FAM114A1: variants seen among roughly 807,000 people sequenced by gnomAD.
FAM114A1 encodes protein NOXP20.
In FAM114A1, 62 loss-of-function variants were observed where a neutral mutation model predicts 64.3. That is an observed-to-expected ratio of 0.96 (90% confidence interval 0.79 to 1.19). The LOEUF (loss-of-function observed/expected upper bound fraction) is 1.19. Ranked by LOEUF, FAM114A1 falls within the 50% of genes most tolerant of loss-of-function variation. FAM114A1 has a pLI of 0.00. For missense variants in FAM114A1, 645 were observed against 676.3 expected, an observed-to-expected ratio of 0.95 and a Z score of 0.51; for synonymous variants, 254 against 251.1, an observed-to-expected ratio of 1.01 and a Z score of -0.11.
intron 4 of FAM114A1, among the ~76,000 whole-genome samples, chr4:38,898,902 T>G (rs2109642343): frequency 1.3e-5 from 2 of 149,000 alleles, no homozygotes; most frequent in South Asian, 4.2e-4. Context: ...CAGTACTTTA[T>G]ATATATGAGT....
intron 9 of FAM114A1, among the ~76,000 whole-genome samples, chr4:38,928,671 A>T (rs1720360362): frequency 6.6e-6 from 1 of 152,222 alleles, no homozygotes; most frequent in South Asian, 2.1e-4. Context: ...AAAGGAAGAC[A>T]GATCATTAAG....
intron 3 of FAM114A1, among the ~76,000 whole-genome samples, chr4:38,881,883 A>G (rs2109562899): frequency 1.3e-5 from 2 of 152,342 alleles, no homozygotes; most frequent in Middle Eastern, 3.4e-3. Context: ...AAAGTTCATT[A>G]CAAGGTGGTT....
At chr4:38,933,115 G>A (rs985735949) in intron 12 of FAM114A1, among the ~76,000 whole-genome samples, 2 of 152,150 alleles carry the variant, frequency 1.3e-5, no homozygotes, top group African/African-American at 2.4e-5. Flanking sequence ...GCCTCCCAAA[G>A]TGCTGGGATT....
At position 38,914,942 on chromosome 4, in the gene FAM114A1, AAGG is replaced by A. The variant is rs779867184; in HGVS notation, c.817_819del (p.Glu273del). The A allele has an allele frequency of 2.6e-4, 426 of 1,613,914 alleles. No homozygotes were observed. The highest frequency in any genetic ancestry group is 3.4e-4 in the Non-Finnish European group (397 of 1,179,966). ...GCAGATGTTAAGGGAAGCTAAGGAG[AAGG>A]AGAAGCAGAGACTGGCACAGCAGCT... is the stretch of plus-strand genomic sequence containing the variant. On this transcript the variant is annotated inframe_deletion, in exon 8 of 15. Transcript: ENST00000358869.
chr4:38,933,271 G>T (rs951395464), intron 12 of FAM114A1, among the ~76,000 whole-genome samples: 1 of 152,210 alleles, frequency 6.6e-6, no homozygotes, highest in Non-Finnish European at 1.5e-5. Context: ...TGCATGAGGC[G>T]TGAAAGTACT....
intron 4 of FAM114A1, among the ~76,000 whole-genome samples, chr4:38,898,982 A>G: frequency 9.3e-6 from 1 of 107,460 alleles, no homozygotes; most frequent in East Asian, 4.3e-4. Context: ...TATGTTATAT[A>G]TGTAATATAT....
intron 8 of FAM114A1, 48 bp downstream of exon 8, chr4:38,915,121 C>T: frequency 6.3e-7 from 1 of 1,583,040 alleles, no homozygotes; most frequent in Non-Finnish European, 8.6e-7. Flanking sequence ...TCATGTGTTG[C>T]TTAAACATGA....
Position 38,905,971 on chromosome 4 carries a change from G to A in FAM114A1, c.657+110G>A, listed in dbSNP as rs529054447. 5.8e-4 allele frequency: 533 copies of A among 919,308 alleles called. 2 individuals are homozygous for A. The highest frequency in any genetic ancestry group is 7.9e-4 in the Non-Finnish European group (504 of 638,860). 56.9% of individuals were successfully genotyped at this position (919,308 alleles called of 1,614,324 possible). On this transcript the variant is annotated intron_variant, in intron 6 of 14. Coordinates refer to ENST00000358869, the MANE Select transcript of FAM114A1 (RefSeq NM_138389.4). Reference sequence around the variant, plus strand: ...ATCAGAGAAACGATGGCCTTGCTCAGAACTTTGGATTATGGTTTTTTTTTT... The same window carrying A: ...ATCAGAGAAACGATGGCCTTGCTCAAAACTTTGGATTATGGTTTTTTTTTT...
At chr4:38,908,837 C>A in intron 7 of FAM114A1, 111 bp downstream of exon 7, 2 of 1,122,492 alleles carry the variant, frequency 1.8e-6, no homozygotes, top group Non-Finnish European at 2.4e-6. Flanking sequence ...TCAAATGACA[C>A]CAAAGAGCAG....
intron 7 of FAM114A1, among the ~76,000 whole-genome samples, chr4:38,913,404 G>GT (rs1241505311): frequency 1.3e-5 from 2 of 152,000 alleles, no homozygotes; most frequent in African/African-American, 2.4e-5. Flanking sequence ...GTTCTTTTTT[G>GT]TTTTTTTGTT....
At chr4:38,876,746 G>A (rs1292189393) in intron 2 of FAM114A1, among the ~76,000 whole-genome samples, 3 of 152,338 alleles carry the variant, frequency 2.0e-5, no homozygotes, top group East Asian at 3.9e-4. Context: ...ATGGGCTAAA[G>A]TCAAGTTGCT....
At chr4:38,914,005 C>A (rs1718803439) in intron 7 of FAM114A1, among the ~76,000 whole-genome samples, 1 of 151,984 alleles carries the variant, frequency 6.6e-6, no homozygotes, top group Admixed American at 6.6e-5. Context: ...GAGGCTGAGG[C>A]AGGAGAATCA....
intron 10 of FAM114A1, 148 bp from the exon 11 acceptor site, chr4:38,931,303 G>A (rs1181112953): frequency 2.5e-6 from 2 of 803,288 alleles, no homozygotes; most frequent in Non-Finnish European, 3.7e-6. Flanking sequence ...ATCTTTTTCG[G>A]GGGTTGAAAA....
At chr4:38,929,646 G>A (rs917039689) in intron 10 of FAM114A1, among the ~76,000 whole-genome samples, 2 of 152,152 alleles carry the variant, frequency 1.3e-5, no homozygotes, top group East Asian at 1.9e-4. Context: ...GTGCGGTGGC[G>A]CATGCCTGTA....
intron 2 of FAM114A1, among the ~76,000 whole-genome samples, chr4:38,869,720 T>G (rs919848521): frequency 1.4e-5 from 2 of 141,468 alleles, no homozygotes; most frequent in African/African-American, 5.1e-5. Context: ...ACTGTTTTTG[T>G]TTTTTTTTTT....
intron 7 of FAM114A1, among the ~76,000 whole-genome samples, chr4:38,909,549 T>A (rs1342262547): frequency 6.8e-6 from 1 of 146,848 alleles, no homozygotes; most frequent in Non-Finnish European, 1.5e-5. Flanking sequence ...ATAATATTAG[T>A]CTTGTTTTCC....
rs1435434021 is a variant in FAM114A1, at chr4:38,878,056, T to C, written c.-8-15T>C. 9.6e-6 allele frequency: 15 copies of C among 1,569,356 alleles called. No individual in the cohort carries two copies. Among genetic ancestry groups the C allele is most frequent in the Non-Finnish European group, 1.3e-5 (15 of 1,151,856 alleles). ...ATTCGATGAAAGCATGAGGTGTTTA[T>C]AATTGTGTTGACAGATACTAAAATG... On this transcript the variant is annotated splice_polypyrimidine_tract_variant and intron_variant, in intron 2 of 14. Transcript: ENST00000358869.
At chr4:38,876,773 C>A (rs1218654421) in intron 2 of FAM114A1, among the ~76,000 whole-genome samples, 1 of 152,234 alleles carries the variant, frequency 6.6e-6, no homozygotes, top group East Asian at 1.9e-4. Flanking sequence ...CTGATTCCTT[C>A]TAGAGTCTTT....
In FAM114A1 at chr4:38,880,120, GAATAGAA is replaced by G. The variant is rs1560288148; in HGVS notation, c.348+1695_348+1701del. ...AAATAAAATAGAGTAGAATAGAATA[GAATAGAA>G]TAGAATAGAATAGAATAGAATAGAA... On this transcript the variant is annotated intron_variant, in intron 3 of 14. Transcript: ENST00000358869. Among the ~76,000 whole-genome samples the G allele has an allele frequency of 1.8e-3, 165 of 92,144 alleles. 2 individuals carry two copies. The highest frequency in any genetic ancestry group is 4.3e-3 in the African/African-American group (113 of 26,170). The allele number at this position is 92,144 out of a possible 152,430, so 60.5% of individuals were successfully genotyped here.
Sources: gnomAD v4.1 joint callset for allele counts (sites outside exome capture counted in the v4.1 genomes callset) on GRCh38, gnomAD v4.1.1 for gene constraint, MANE v1.5 for transcripts, NCBI Gene and HGNC (gene_info 2026-07-23, HGNC 2026-07-21) for gene names.